Variants in CYTH3 observed in about 807,000 individuals in gnomAD.
The protein encoded by CYTH3 is cytohesin 3, also known as cytohesin-3.
Under a neutral mutation model 55.1 loss-of-function variants are expected in CYTH3, and 23 were observed. That is an observed-to-expected ratio of 0.42 (90% CI 0.30 to 0.59). The LOEUF is 0.59. CYTH3 is among the 20% of genes least tolerant of loss of function. The pLI, the probability that CYTH3 is intolerant of heterozygous loss-of-function variation, is 0.20. For missense variants in CYTH3, 413 were observed against 524.8 expected (o/e 0.79, Z 2.08); for synonymous variants, 249 against 194.9 (o/e 1.28, Z -2.31).
At chr7:6,221,191 T>C (rs1198292231) in intron 1 of CYTH3, among the ~76,000 whole-genome samples, 1 of 152,198 alleles carries the variant, frequency 6.6e-6, no homozygotes, top group Non-Finnish European at 1.5e-5. Flanking sequence ...TAAACTGTGA[T>C]ATATATCCAT....
At chr7:6,174,046 G>C (rs1783269811) in intron 5 of CYTH3, among the ~76,000 whole-genome samples, 1 of 151,816 alleles carries the variant, frequency 6.6e-6, no homozygotes, top group Non-Finnish European at 1.5e-5. Flanking sequence ...GGAATTACTG[G>C]GTTCCATGTT....
At chr7:6,190,757 C>G (rs1304320986) in intron 1 of CYTH3, among the ~76,000 whole-genome samples, 1 of 152,092 alleles carries the variant, frequency 6.6e-6, no homozygotes, top group Non-Finnish European at 1.5e-5. Flanking sequence ...GCGGTACATT[C>G]ATAAAATAGA....
At chr7:6,262,135 T>C (rs1438795515) in intron 1 of CYTH3, among the ~76,000 whole-genome samples, 2 of 152,076 alleles carry the variant, frequency 1.3e-5, no homozygotes, top group Admixed American at 6.5e-5. Flanking sequence ...CAGAAGAAGA[T>C]ACAGAGTGAA....
chr7:6,238,984 C>G (rs761200180), intron 1 of CYTH3, among the ~76,000 whole-genome samples: 1 of 151,766 alleles, frequency 6.6e-6, no homozygotes, highest in African/African-American at 2.4e-5. Context: ...GAGACCAAGA[C>G]GTGCTGATTG....
intron 1 of CYTH3, among the ~76,000 whole-genome samples, chr7:6,228,522 C>A (rs1419836912): frequency 1.3e-5 from 2 of 152,100 alleles, no homozygotes; most frequent in Non-Finnish European, 2.9e-5. Context: ...ACTGAGAGAT[C>A]CAGGCTGGAA....
At position 6,172,959 on chromosome 7, in the gene CYTH3, G is replaced by A. The variant is rs140656311; in HGVS notation, c.449+694C>T. ...GTCCACGTAAACGAGAACAAGGTAT[G>A]AAGCCGAAGATTTGAGAAGATGACG... On this transcript the variant is annotated intron_variant, in intron 6 of 12. Coordinates refer to ENST00000350796, the MANE Select transcript of CYTH3 (RefSeq NM_004227.4). 3.5e-5 allele frequency: 40 copies of A among 1,145,632 alleles called. No individual in the cohort carries two copies. In the African/African-American group the frequency reaches 6.1e-4, roughly 17 times the overall value. 71.0% of individuals were successfully genotyped at this position (1,145,632 alleles called of 1,614,324 possible).
intron 1 of CYTH3, among the ~76,000 whole-genome samples, chr7:6,205,044 T>C (rs1002244547): frequency 1.3e-5 from 2 of 151,970 alleles, no homozygotes; most frequent in Admixed American, 1.3e-4. Context: ...TGCACACCTG[T>C]AGTCCCAGCT....
At chr7:6,215,304 G>A (rs1443813754) in intron 1 of CYTH3, among the ~76,000 whole-genome samples, 1 of 152,122 alleles carries the variant, frequency 6.6e-6, no homozygotes, top group Non-Finnish European at 1.5e-5. Context: ...AGACAAATGA[G>A]GACAGGCCAG....
intron 4 of CYTH3, among the ~76,000 whole-genome samples, chr7:6,178,416 C>T (rs1783401092): frequency 6.6e-6 from 1 of 152,224 alleles, no homozygotes; most frequent in Non-Finnish European, 1.5e-5. Flanking sequence ...TCCTGGCTGC[C>T]TTTGGCACTA....
chr7:6,258,466 A>G (rs1334091315), intron 1 of CYTH3, among the ~76,000 whole-genome samples: 1 of 152,234 alleles, frequency 6.6e-6, no homozygotes, highest in Non-Finnish European at 1.5e-5. Flanking sequence ...ATAAGGAAAG[A>G]GGGATTATCC....
chr7:6,246,019 C>T (rs945984413), intron 1 of CYTH3, among the ~76,000 whole-genome samples: 1 of 152,084 alleles, frequency 6.6e-6, no homozygotes, highest in Admixed American at 6.6e-5. Context: ...AAGGTACTTG[C>T]TTCTTAAAGA....
In CYTH3 at chr7:6,171,325, AC is replaced by A; in HGVS notation, c.450-12del. On this transcript the variant is annotated splice_polypyrimidine_tract_variant and intron_variant, in intron 6 of 12. Transcript: ENST00000350796. The surrounding 1 kb of genome is among the most constrained non-coding windows in gnomAD (Gnocchi z 6.7). Reference sequence around the variant, plus strand: ...CTCCATAAGAACTGCCTGTGGAGACACCAAAGCCATGGGAAGCCGCATCAGA... The same window carrying A: ...CTCCATAAGAACTGCCTGTGGAGACACAAAGCCATGGGAAGCCGCATCAGA... 6.2e-7 allele frequency: 1 copy of A among 1,613,360 alleles called. No homozygotes were observed. Among genetic ancestry groups the A allele is most frequent in the South Asian group, 1.1e-5 (1 of 91,062 alleles).
At chr7:6,262,484 C>T (rs895464705) in intron 1 of CYTH3, among the ~76,000 whole-genome samples, 10 of 152,294 alleles carry the variant, frequency 6.6e-5, no homozygotes, top group African/African-American at 1.7e-4. Context: ...AAAAAACACA[C>T]TAACTGGAAA....
In CYTH3 at chr7:6,170,695, G is replaced by T. The variant is rs1467344417; in HGVS notation, c.712-49C>A. The T allele has an allele frequency of 1.3e-5, 20 of 1,589,716 alleles. No individual in the cohort carries two copies. The highest frequency in any genetic ancestry group is 1.7e-5 in the Non-Finnish European group (20 of 1,166,322). On this transcript the variant is annotated intron_variant, in intron 8 of 12. Coordinates refer to ENST00000350796, the MANE Select transcript of CYTH3 (RefSeq NM_004227.4). This position sits in a 1 kb window ranked among gnomAD's most constrained non-coding sequence, Gnocchi z 7.8. ...CAGTTCAGAGACTCGGAGGAAAATG[G>T]CTGGCCGGGCAGAAAGCTCAGCGGG...
intron 1 of CYTH3, among the ~76,000 whole-genome samples, chr7:6,257,226 A>G (rs1780152346): frequency 6.6e-6 from 1 of 152,202 alleles, no homozygotes; most frequent in South Asian, 2.1e-4. Context: ...CACGCCTGGG[A>G]AATACAGCCT....
chr7:6,222,278 T>C (rs1442991505), intron 1 of CYTH3, among the ~76,000 whole-genome samples: 1 of 152,180 alleles, frequency 6.6e-6, no homozygotes, highest in Non-Finnish European at 1.5e-5. Flanking sequence ...CATTTTAAAA[T>C]GTGATACCAA....
chr7:6,223,550 C>T (rs10241959), intron 1 of CYTH3, among the ~76,000 whole-genome samples: 1 of 152,146 alleles, frequency 6.6e-6, no homozygotes, highest in African/African-American at 2.4e-5. Context: ...CCCGTGCTCT[C>T]TGAAACATGT....
intron 1 of CYTH3, among the ~76,000 whole-genome samples, chr7:6,202,256 G>T (rs1264235980): frequency 1.3e-5 from 2 of 152,148 alleles, no homozygotes; most frequent in Non-Finnish European, 2.9e-5. Flanking sequence ...AAACCACACG[G>T]AAGAGTCCCT....
chr7:6,236,358 G>A (rs1173362324), intron 1 of CYTH3, among the ~76,000 whole-genome samples: 2 of 115,792 alleles, frequency 1.7e-5, no homozygotes, highest in Non-Finnish European at 3.5e-5. Context: ...CGCACACTAC[G>A]CCTGACTTTT....
Sources: gnomAD v4.1 joint callset for allele counts (sites outside exome capture counted in the v4.1 genomes callset) on GRCh38, gnomAD v4.1.1 for gene constraint, Gnocchi (gnomAD v3.1) non-coding constraint, MANE v1.5 for transcripts, NCBI Gene and HGNC (gene_info 2026-07-23, HGNC 2026-07-21) for gene names.